Variants in MCCC1 observed in about 807,000 individuals in gnomAD.
MCCC1 encodes methylcrotonoyl-CoA carboxylase subunit alpha, mitochondrial.
Under a neutral mutation model 83.8 loss-of-function variants are expected in MCCC1, and 64 were observed. The ratio of observed to expected loss-of-function variants is 0.76; its 90% CI spans 0.62 to 0.94. The LOEUF (loss-of-function observed/expected upper bound fraction) is 0.94. Among genes scored for constraint, MCCC1 ranks in the 40% least tolerant of loss-of-function variants. The probability of loss-of-function intolerance (pLI) is 0.00; values close to 1 mark genes in which losing one functional copy is unlikely to be tolerated. For synonymous variants in MCCC1, 322 were observed against 315.4 expected (o/e 1.02, Z -0.22); for missense variants, 807 against 904.7 (o/e 0.89, Z 1.39).
intron 12 of MCCC1, among the ~76,000 whole-genome samples, chr3:183,037,981 CA>C (rs1713765914): frequency 6.6e-6 from 1 of 152,072 alleles, no homozygotes. Context: ...TAAATGGGAT[CA>C]AAAGTAAAAC....
At position 183,071,360 on chromosome 3, in the gene MCCC1, T is replaced by C; in HGVS notation, c.492-3A>G. ...CAGCCATTATGGATTTGGATGTGCT[T>C]TAGAGTGGGAAAGAAAACAACATGC... On this transcript the variant is annotated splice_polypyrimidine_tract_variant and splice_region_variant and intron_variant, in intron 5 of 18. Coordinates refer to ENST00000265594, the MANE Select transcript of MCCC1 (RefSeq NM_020166.5). 6 of 1,614,148 alleles carry C rather than the reference T, an allele frequency of 3.7e-6. No homozygotes were observed. Among genetic ancestry groups the C allele is most frequent in the Non-Finnish European group, 5.1e-6 (6 of 1,180,024 alleles).
rs147979086 is a variant in MCCC1, at chr3:183,041,064, G to A, written c.1267+503C>T. On this transcript the variant is annotated intron_variant, in intron 11 of 18. Transcript: ENST00000265594. ...AAGTAGAAAAATCACCTAGAGCAGT[G>A]CCTGTAAGTAGGAAGTCCTAAATAA... is the stretch of plus-strand genomic sequence containing the variant. 1.2e-3 allele frequency among the ~76,000 whole-genome samples: 186 copies of A among 152,310 alleles called. 4 individuals carry two copies. The Middle Eastern group carries it at 0.044, about 36-fold the overall frequency.
At chr3:183,032,740 G>A (rs1406445092) in intron 14 of MCCC1, among the ~76,000 whole-genome samples, 1 of 152,080 alleles carries the variant, frequency 6.6e-6, no homozygotes, top group African/African-American at 2.4e-5. Flanking sequence ...CGGGCGTGGT[G>A]GTGGGTGCCT....
rs376177035 is a variant in MCCC1 at position 183,019,150 on chromosome 3, TTTC to T, written c.1977+977_1977+979del. Among the ~76,000 whole-genome samples, 51 of 152,316 alleles carry T rather than the reference TTTC, an allele frequency of 3.3e-4. No homozygotes were observed. In the East Asian group the frequency reaches 8.1e-3, roughly 24 times the overall value. ...TCACCCACACTATTTAAGTAGTTAT[TTTC>T]TTCTTCTTCTTTTTTTGTTCCAAGC... On this transcript the variant is annotated intron_variant, in intron 17 of 18. Coordinates refer to ENST00000265594, the MANE Select transcript of MCCC1 (RefSeq NM_020166.5).
intron 3 of MCCC1, 76 bp downstream of exon 3, chr3:183,092,333 G>A (rs1718417897): frequency 6.3e-7 from 1 of 1,583,054 alleles, no homozygotes; most frequent in African/African-American, 1.3e-5. Flanking sequence ...AATATCAACT[G>A]TCATCATAAA....
At chr3:183,114,558 CAT>C (rs1312165619) in intron 1 of MCCC1, among the ~76,000 whole-genome samples, 1 of 152,154 alleles carries the variant, frequency 6.6e-6, no homozygotes, top group African/African-American at 2.4e-5. Flanking sequence ...TGGGGAGAAA[CAT>C]ACACATTTGA....
upstream of MCCC1, among the ~76,000 whole-genome samples, chr3:183,103,191 G>A (rs1179818361): frequency 1.1e-4 from 17 of 152,174 alleles, no homozygotes; most frequent in South Asian, 2.1e-4. Flanking sequence ...CAGTGTTACA[G>A]CTCATAAAGG....
At chr3:183,042,126 T>TAA (rs549248178) in intron 10 of MCCC1, among the ~76,000 whole-genome samples, 2 of 152,158 alleles carry the variant, frequency 1.3e-5, no homozygotes, top group East Asian at 3.9e-4. Context: ...CAATTTTTTT[T>TAA]AAAAAATAGT....
chr3:183,019,990 T>G (rs1712015935), intron 17 of MCCC1, 140 bp downstream of exon 17: 3 of 677,810 alleles, frequency 4.4e-6, no homozygotes, highest in South Asian at 3.4e-5. Context: ...TTTGAATCTG[T>G]AATAGATCCT....
chr3:183,036,786 A>G (rs10937109), intron 13 of MCCC1, among the ~76,000 whole-genome samples: 136,584 of 151,728 alleles, frequency 0.9, 61,764 homozygotes, highest in East Asian at 1. Flanking sequence ...TGATCCGCCC[A>G]CCCTGGCCTT....
chr3:183,071,444 T>C, intron 5 of MCCC1, 87 bp from the exon 6 acceptor site: 4 of 1,576,774 alleles, frequency 2.5e-6, no homozygotes, highest in South Asian at 2.2e-5. Flanking sequence ...AGTCTATAAA[T>C]TACAATGGAA....
intron 7 of MCCC1, among the ~76,000 whole-genome samples, chr3:183,061,437 G>C (rs193084748): frequency 1.3e-3 from 192 of 152,270 alleles, no homozygotes; most frequent in Non-Finnish European, 2.0e-3. Flanking sequence ...TCCCACTGCT[G>C]TAAAACATGA....
chr3:183,064,895 G>C lies in MCCC1; in HGVS notation c.761+6104C>G, dbSNP rs1404279252. Among the ~76,000 whole-genome samples, 1 of 151,932 alleles carries C rather than the reference G, an allele frequency of 6.6e-6. No homozygotes were observed. The highest frequency in any genetic ancestry group is 1.5e-5 in the Non-Finnish European group (1 of 67,940). On this transcript the variant is annotated intron_variant, in intron 7 of 18. Transcript: ENST00000265594. This position sits in a 1 kb window ranked among gnomAD's most constrained non-coding sequence, Gnocchi z 4.5. ...GGGCGGGTCTTTCTCTGGTCTCTCT[G>C]AGCACCTTGCTTTCCCCATCCTGCC...
intron 10 of MCCC1, among the ~76,000 whole-genome samples, chr3:183,043,453 A>AT (rs1057377646): frequency 6.6e-6 from 1 of 152,140 alleles, no homozygotes; most frequent in African/African-American, 2.4e-5. Flanking sequence ...TAACCTTGAC[A>AT]TTTTCACCAG....
intron 4 of MCCC1, among the ~76,000 whole-genome samples, chr3:183,077,995 A>ATC (rs1717205381): frequency 6.6e-6 from 1 of 152,076 alleles, no homozygotes; most frequent in African/African-American, 2.4e-5. Context: ...CCTTATACCA[A>ATC]TACCACGCTG....
intron 14 of MCCC1, among the ~76,000 whole-genome samples, chr3:183,033,110 T>G (rs1205459019): frequency 6.6e-6 from 1 of 152,156 alleles, no homozygotes; most frequent in African/African-American, 2.4e-5. Context: ...ACAAACTGTC[T>G]CACAGCAGAA....
intron 1 of MCCC1, among the ~76,000 whole-genome samples, chr3:183,109,334 T>G (rs1719454488): frequency 1.3e-5 from 2 of 152,032 alleles, no homozygotes; most frequent in South Asian, 4.2e-4. Flanking sequence ...GCTGCTGAGG[T>G]TTAGCGTACA....
intron 4 of MCCC1, among the ~76,000 whole-genome samples, chr3:183,079,329 T>G (rs9810968): frequency 0.93 from 142,338 of 152,288 alleles, 66,560 homozygotes; most frequent in East Asian, 1. Flanking sequence ...TACAATGGGG[T>G]TATAGGCATT....
intron 15 of MCCC1, 88 bp downstream of exon 15, chr3:183,025,667 A>G: frequency 8.4e-7 from 1 of 1,196,196 alleles, no homozygotes; most frequent in Non-Finnish European, 1.2e-6. Context: ...TCAAAGGCTT[A>G]AGGGAAACCA....
Sources: gnomAD v4.1 joint callset for allele counts (sites outside exome capture counted in the v4.1 genomes callset) on GRCh38, gnomAD v4.1.1 for gene constraint, Gnocchi (gnomAD v3.1) non-coding constraint, MANE v1.5 for transcripts, NCBI Gene and HGNC (gene_info 2026-07-23, HGNC 2026-07-21) for gene names.